RANBP17: variants seen among roughly 807,000 people sequenced by gnomAD.
The protein encoded by RANBP17 is ran-binding protein 17.
In RANBP17, 158 loss-of-function variants were observed where a neutral mutation model predicts 141.2. The observed-to-expected ratio is 1.12, with a 90% CI of 0.98 to 1.28. The LOEUF (loss-of-function observed/expected upper bound fraction) is 1.28. Ranked by LOEUF, RANBP17 falls within the 50% of genes most tolerant of loss-of-function variation. RANBP17 has a pLI of 0.00. For missense variants in RANBP17, 1,438 were observed against 1,290.7 expected, an observed-to-expected ratio of 1.11 and a Z score of -1.75; for synonymous variants, 430 against 450.0, an observed-to-expected ratio of 0.96 and a Z score of 0.56.
At chr5:171,031,824 C>G (rs1348494480) in intron 14 of RANBP17, among the ~76,000 whole-genome samples, 1 of 151,954 alleles carries the variant, frequency 6.6e-6, no homozygotes, top group Non-Finnish European at 1.5e-5. Flanking sequence ...AAACGTATAT[C>G]CTACTATTAT....
chr5:170,969,532 G>A (rs1210961738), intron 14 of RANBP17, among the ~76,000 whole-genome samples: 2 of 151,888 alleles, frequency 1.3e-5, no homozygotes, highest in Admixed American at 6.6e-5. Context: ...TGTTTAATAT[G>A]TCCAGAGAGT....
rs143986413 is a variant in RANBP17, at chr5:170,918,099, A to G, written c.955-614A>G. On this transcript the variant is annotated intron_variant, in intron 9 of 27. Transcript: ENST00000523189. ...CTTTTTTGTTACTTCCTTTTAATCT[A>G]TACTCCTCCAAAATTTACCTGGGTG... 8.5e-5 allele frequency: 13 copies of G among 152,112 alleles called. No individual in the cohort carries two copies. In the East Asian group the frequency reaches 9.7e-4, roughly 11 times the overall value. The allele number at this position is 152,112 out of a possible 1,614,324, so 9.4% of individuals were successfully genotyped here. A position where few individuals can be genotyped will look rare whatever the true frequency, so the allele number is the denominator to read the frequency against.
chr5:171,103,264 TG>T (rs1787302211), intron 14 of RANBP17, among the ~76,000 whole-genome samples: 1 of 152,208 alleles, frequency 6.6e-6, no homozygotes, highest in African/African-American at 2.4e-5. Context: ...AGCCCCTGAC[TG>T]GGGCTGCTGC....
chr5:171,205,993 T>C (rs1762556895), intron 20 of RANBP17: 1 of 363,188 alleles, frequency 2.8e-6, no homozygotes, highest in South Asian at 2.1e-5. Context: ...GAAGATCATT[T>C]TATCTCTTCA....
At chr5:171,015,025 T>TC (rs1780335646) in intron 14 of RANBP17, among the ~76,000 whole-genome samples, 3 of 152,112 alleles carry the variant, frequency 2.0e-5, no homozygotes, top group African/African-American at 7.2e-5. Context: ...AGAAATCTGC[T>TC]GTAATCCTTT....
chr5:171,298,834 AT>A lies in RANBP17; in HGVS notation c.3244del (p.Cys1082AlafsTer5), dbSNP rs1440915056. ...TGCGCAGTGATGGCAACACTGAACC[AT>A]GCAGTCTCGACATGATGAGCTGACC... is the stretch of plus-strand genomic sequence containing the variant. ...ALRSDGNTEP[C>X]SLDMMS On this transcript the variant is annotated frameshift_variant, in exon 28 of 28. Coordinates refer to ENST00000523189, the MANE Select transcript of RANBP17 (RefSeq NM_022897.5). LOFTEE classifies it high-confidence loss of function. 1 of 1,614,194 alleles carries A rather than the reference AT, an allele frequency of 6.2e-7. No homozygotes were observed.
chr5:171,176,401 A>G (rs1460728095), intron 16 of RANBP17, among the ~76,000 whole-genome samples: 1 of 152,156 alleles, frequency 6.6e-6, no homozygotes, highest in Non-Finnish European at 1.5e-5. Context: ...TGATTTTTAA[A>G]TTTAATTCCA....
chr5:171,005,263 CA>C (rs1779513585), intron 14 of RANBP17, among the ~76,000 whole-genome samples: 1 of 151,946 alleles, frequency 6.6e-6, no homozygotes, highest in African/African-American at 2.4e-5. Context: ...CATATGGAAC[CA>C]AAAAAGAGCC....
In RANBP17 at chr5:170,909,578, CTTTTTTTTTTT is replaced by C. The variant is rs386405668; in HGVS notation, c.490-73_490-63del. On this transcript the variant is annotated intron_variant, in intron 5 of 27. Coordinates refer to ENST00000523189, the MANE Select transcript of RANBP17 (RefSeq NM_022897.5). ...CTTGGGTTCTACTCAAGTTTATTTC[CTTTTTTTTTTT>C]TTTTTTTTTAGTAAATTTTGGTTTG... 2.5e-5 allele frequency: 6 copies of C among 240,064 alleles called. 1 individual carries two copies. The highest frequency in any genetic ancestry group is 8.9e-5 in the East Asian group (1 of 11,202). 14.9% of individuals were successfully genotyped at this position (240,064 alleles called of 1,614,324 possible).
At chr5:171,053,806 G>A (rs1321899904) in intron 14 of RANBP17, among the ~76,000 whole-genome samples, 4 of 147,746 alleles carry the variant, frequency 2.7e-5, no homozygotes, top group Non-Finnish European at 4.5e-5. Flanking sequence ...CATCTTGGGG[G>A]AAAGCTTTCA....
intron 12 of RANBP17, among the ~76,000 whole-genome samples, chr5:170,925,938 A>G (rs573642979): frequency 5.3e-5 from 8 of 152,272 alleles, no homozygotes; most frequent in African/African-American, 1.9e-4. Flanking sequence ...TTATTTGTGC[A>G]TTCTCTTGTT....
intron 12 of RANBP17, among the ~76,000 whole-genome samples, chr5:170,950,967 C>T (rs192124024): frequency 7.9e-5 from 12 of 152,044 alleles, no homozygotes; most frequent in Admixed American, 5.2e-4. Flanking sequence ...AAGCCTGGCA[C>T]GGAAAGACAA....
chr5:171,055,919 A>G (rs1452095073), intron 14 of RANBP17, among the ~76,000 whole-genome samples: 1 of 146,186 alleles, frequency 6.8e-6, no homozygotes, highest in East Asian at 2.0e-4. Context: ...CATTCTTATT[A>G]CACTTGTGCA....
intron 3 of RANBP17, among the ~76,000 whole-genome samples, chr5:170,887,336 T>C (rs1011042803): frequency 6.6e-5 from 10 of 152,202 alleles, no homozygotes; most frequent in African/African-American, 2.2e-4. Context: ...GATTATGCCT[T>C]TGGTGTTGCA....
rs1345395127 is a variant in RANBP17, at chr5:170,967,086, G to A, written c.1575-1156G>A. Among the ~76,000 whole-genome samples, 3 of 152,140 alleles carry A rather than the reference G, an allele frequency of 2.0e-5. No homozygotes were observed. In the East Asian group the frequency reaches 5.8e-4, roughly 29 times the overall value. Reference sequence around the variant, plus strand: ...AAGAACATTCCATGCTCATATAATGGAATGTTAAGCAGCTTCAGAAGAGAA... The same window carrying A: ...AAGAACATTCCATGCTCATATAATGAAATGTTAAGCAGCTTCAGAAGAGAA... On this transcript the variant is annotated intron_variant, in intron 13 of 27. Transcript: ENST00000523189.
intron 14 of RANBP17, among the ~76,000 whole-genome samples, chr5:171,058,772 C>G (rs972957292): frequency 3.3e-5 from 5 of 150,326 alleles, no homozygotes; most frequent in Non-Finnish European, 7.4e-5. Flanking sequence ...GTTCACAGTC[C>G]CACCAACAGT....
At chr5:171,265,149 T>A (rs1766584456) in intron 24 of RANBP17, among the ~76,000 whole-genome samples, 1 of 152,212 alleles carries the variant, frequency 6.6e-6, no homozygotes, top group Non-Finnish European at 1.5e-5. Context: ...AGGTCGCAGA[T>A]GGAAAAATCT....
chr5:171,024,882 T>G (rs1781128389), intron 14 of RANBP17, among the ~76,000 whole-genome samples: 1 of 152,126 alleles, frequency 6.6e-6, no homozygotes, highest in African/African-American at 2.4e-5. Context: ...TATCTCTAGC[T>G]AGGCCTGTCT....
chr5:170,992,897 A>G (rs1383642389), intron 14 of RANBP17, among the ~76,000 whole-genome samples: 1 of 152,106 alleles, frequency 6.6e-6, no homozygotes, highest in Non-Finnish European at 1.5e-5. Flanking sequence ...CCTGCTCCAC[A>G]TCTTCTGAAT....
Sources: allele counts gnomAD v4.1 joint callset (sites outside exome capture counted in the v4.1 genomes callset), GRCh38; gene constraint gnomAD v4.1.1; transcripts MANE v1.5; gene names NCBI Gene and HGNC (gene_info 2026-07-23, HGNC 2026-07-21).